SRSF12: variants seen among roughly 807,000 people sequenced by gnomAD.
SRSF12 encodes serine/arginine-rich splicing factor 12.
SRSF12 carries 21 observed loss-of-function variants against 34.1 expected under a neutral mutation model. The observed-to-expected ratio is 0.62, with a 90% CI of 0.44 to 0.89. SRSF12 has a LOEUF of 0.89. Among genes scored for constraint, SRSF12 ranks in the 40% least tolerant of loss-of-function variants. SRSF12 has a pLI of 0.00. For missense variants in SRSF12, 278 were observed against 327.8 expected, an observed-to-expected ratio of 0.85 and a Z score of 1.17; for synonymous variants, 111 against 110.8, an observed-to-expected ratio of 1.00 and a Z score of -0.01.
rs1363992972 is a variant in SRSF12, at chr6:89,101,450, G to A, written c.417-2503C>T. Among the ~76,000 whole-genome samples the A allele has an allele frequency of 5.3e-5, 8 of 152,028 alleles. No homozygotes were observed. The East Asian group carries it at 5.8e-4, about 11-fold the overall frequency. ...AAAAATCTGAAAACCGGCCGGGTGC[G>A]GTGGCTCATGCCTGTCATCCCAGCA... is the stretch of plus-strand genomic sequence containing the variant. On this transcript the variant is annotated intron_variant, in intron 4 of 4. Transcript: ENST00000452027.
chr6:89,100,867 G>A (rs1191811133), intron 4 of SRSF12, among the ~76,000 whole-genome samples: 1 of 152,134 alleles, frequency 6.6e-6, no homozygotes, highest in Non-Finnish European at 1.5e-5. Flanking sequence ...CACTTTGGGA[G>A]GCCAAGGCGA....
rs1401127447 is a variant in SRSF12, at chr6:89,096,757, C to G, written c.*1821G>C. On this transcript the variant is annotated 3_prime_UTR_variant, in exon 5 of 5. Transcript: ENST00000452027. ...AAGCAATCCTCCTGCCTTGGCCTCC[C>G]AAAGTGCTAGGATTACTGGTGTGAG... is the stretch of plus-strand genomic sequence containing the variant. The G allele has an allele frequency of 6.6e-6, 1 of 152,266 alleles. No individual in the cohort carries two copies. The highest frequency in any genetic ancestry group is 1.5e-5 in the Non-Finnish European group (1 of 68,112). The allele number at this position is 152,266 out of a possible 1,614,324, so 9.4% of individuals were successfully genotyped here. A position where few individuals can be genotyped will look rare whatever the true frequency, so the allele number is the denominator to read the frequency against.
chr6:89,103,685 C>G (rs1768643343), intron 4 of SRSF12, among the ~76,000 whole-genome samples: 2 of 151,862 alleles, frequency 1.3e-5, no homozygotes. Flanking sequence ...GTCTTGAACT[C>G]CTGACCTCAA....
At position 89,098,852 on chromosome 6, in the gene SRSF12, C is replaced by T. The variant is rs759236309; in HGVS notation, c.512G>A (p.Arg171Lys). Residue 171 changes from arginine (R) to lysine (K), a missense_variant, in exon 5 of 5, where the codon AGA (arginine) becomes AAA (lysine). Coordinates refer to ENST00000452027, the MANE Select transcript of SRSF12 (RefSeq NM_080743.5). ...STSARQSRTP[R>K]RNFGSRGRSR... The stretch of plus-strand genomic sequence containing the variant: ...CCGTCCTCTAGAGCCAAAATTCCTT[C>T]TTGGAGTTCTTGACTGCCTTGCTGA... 2 of 1,613,920 alleles carry T rather than the reference C, an allele frequency of 1.2e-6. No individual in the cohort carries two copies. Among genetic ancestry groups the T allele is most frequent in the South Asian group, 2.2e-5 (2 of 91,076 alleles).
At chr6:89,117,329 G>C (rs1347979231) in intron 1 of SRSF12, among the ~76,000 whole-genome samples, 1 of 152,204 alleles carries the variant, frequency 6.6e-6, no homozygotes, top group Non-Finnish European at 1.5e-5. Flanking sequence ...CAGAACTGGG[G>C]GAAAGAAACT....
chr6:89,117,868 G>A lies in SRSF12; in HGVS notation c.20C>T (p.Pro7Leu). 2 of 1,563,012 alleles carry A rather than the reference G, an allele frequency of 1.3e-6. No individual in the cohort carries two copies. The highest frequency in any genetic ancestry group is 2.6e-5 in the East Asian group (1 of 37,940). MSRYTRPPNTSLFIRNV... is the reference protein window; with the variant it reads MSRYTRLPNTSLFIRNV... ...CCTGATGAACAGGGAGGTGTTGGGG[G>A]GCCTCGTGTAGCGAGACATGACCGC... The change falls in exon 1 of 5, where the codon CCC becomes CTC. Residue 7 changes from proline to leucine, a missense_variant. By Grantham distance (98) the Pro-to-Leu change is moderately conservative. Transcript: ENST00000452027.
intron 4 of SRSF12, among the ~76,000 whole-genome samples, chr6:89,104,223 C>CTTTTTTTTTTTT (rs138798211): frequency 8.1e-6 from 1 of 123,564 alleles, no homozygotes; most frequent in African/African-American, 3.2e-5. Flanking sequence ...AACTCATCAC[C>CTTTTTTTTTTTT]TTTTTTTTTT....
At chr6:89,115,411 T>C (rs1012525248) in intron 1 of SRSF12, among the ~76,000 whole-genome samples, 2 of 151,270 alleles carry the variant, frequency 1.3e-5, no homozygotes, top group African/African-American at 2.4e-5. Flanking sequence ...GTCTCCTGAG[T>C]AGCTGGGATT....
intron 4 of SRSF12, among the ~76,000 whole-genome samples, chr6:89,100,381 C>G (rs1464614397): frequency 6.6e-6 from 1 of 152,108 alleles, no homozygotes; most frequent in Non-Finnish European, 1.5e-5. Flanking sequence ...CCAAAACAAG[C>G]AGCTTTAACA....
chr6:89,106,869 C>T (rs1178448509), intron 2 of SRSF12: 1 of 437,288 alleles, frequency 2.3e-6, no homozygotes, highest in South Asian at 1.7e-5. Flanking sequence ...TCCCCTCTTC[C>T]AGGTCTTTAT....
Position 89,117,776 on chromosome 6 carries a change from AC to A in SRSF12, c.65+46del, listed in dbSNP as rs1396470839. 2.6e-6 allele frequency: 4 copies of A among 1,511,644 alleles called. No homozygotes were observed. In the East Asian group the frequency reaches 1.2e-4, roughly 44 times the overall value. 93.6% of individuals were successfully genotyped at this position (1,511,644 alleles called of 1,614,324 possible). A position where few individuals can be genotyped will look rare whatever the true frequency, so the allele number is the denominator to read the frequency against. On this transcript the variant is annotated intron_variant, in intron 1 of 4. Coordinates refer to ENST00000452027, the MANE Select transcript of SRSF12 (RefSeq NM_080743.5). ...GGCCGTGCTCCGCGGCGCGGCTGTTACCCCGCCCCTCCTCCGCGCCCCCAAC... is the reference window on the plus strand; with the variant it reads ...GGCCGTGCTCCGCGGCGCGGCTGTTACCCGCCCCTCCTCCGCGCCCCCAAC...
intron 1 of SRSF12, among the ~76,000 whole-genome samples, chr6:89,116,217 C>T (rs556670364): frequency 1.8e-3 from 268 of 152,318 alleles, no homozygotes; most frequent in Non-Finnish European, 3.1e-3. Flanking sequence ...CCCCGGCTGG[C>T]CCCTGTGAAC....
chr6:89,117,761 C>A, intron 1 of SRSF12, 62 bp downstream of exon 1: 1 of 1,481,498 alleles, frequency 6.7e-7, no homozygotes, highest in Admixed American at 2.4e-5. Context: ...GGCCGTGCTC[C>A]GCGGCGCGGC....
At position 89,114,568 on chromosome 6, in the gene SRSF12, T is replaced by G. The variant is rs149913107; in HGVS notation, c.65+3255A>C. Among the ~76,000 whole-genome samples, 5 of 151,678 alleles carry G rather than the reference T, an allele frequency of 3.3e-5. No homozygotes were observed. In the East Asian group the frequency reaches 9.7e-4, roughly 29 times the overall value. On this transcript the variant is annotated intron_variant, in intron 1 of 4. Coordinates refer to ENST00000452027, the MANE Select transcript of SRSF12 (RefSeq NM_080743.5). ...TAGAGATTTCATTCATGTAATATAA[T>G]CTTGTAGATTTTGATTGTCTGCCAG... is the stretch of plus-strand genomic sequence containing the variant.
chr6:89,117,726 C>T, intron 1 of SRSF12, 97 bp downstream of exon 1: 2 of 1,252,234 alleles, frequency 1.6e-6, no homozygotes, highest in Non-Finnish European at 2.1e-6. Flanking sequence ...CTCCGCGCAG[C>T]TCCCCCGAGC....
At chr6:89,115,631 CTTTTTTT>C (rs760005395) in intron 1 of SRSF12, among the ~76,000 whole-genome samples, 5 of 129,006 alleles carry the variant, frequency 3.9e-5, no homozygotes, top group Non-Finnish European at 6.5e-5. Context: ...TTTTTTCTTT[CTTTTTTT>C]TTTTTTTTTT....
At chr6:89,103,740 G>A (rs1398614862) in intron 4 of SRSF12, among the ~76,000 whole-genome samples, 5 of 152,028 alleles carry the variant, frequency 3.3e-5, no homozygotes, top group Admixed American at 1.3e-4. Context: ...GATTACAGGC[G>A]TGAGCCACTG....
chr6:89,110,845 G>A (rs13202823), intron 1 of SRSF12, among the ~76,000 whole-genome samples: 9,187 of 152,196 alleles, frequency 0.06, 387 homozygotes, highest in Non-Finnish European at 0.092. Context: ...CCCAGGCATG[G>A]TGGCTGATAC....
chr6:89,114,253 C>A (rs1769187794), intron 1 of SRSF12, among the ~76,000 whole-genome samples: 1 of 152,110 alleles, frequency 6.6e-6, no homozygotes, highest in Non-Finnish European at 1.5e-5. Context: ...CATGATGAAA[C>A]CCCGTCTCTA....
Sources: gnomAD v4.1 joint callset for allele counts (sites outside exome capture counted in the v4.1 genomes callset) on GRCh38, gnomAD v4.1.1 for gene constraint, MANE v1.5 for transcripts, NCBI Gene and HGNC (gene_info 2026-07-23, HGNC 2026-07-21) for gene names.